Variants in HFM1 observed in about 807,000 individuals in gnomAD.
HFM1 encodes the protein helicase for meiosis 1.
In HFM1, 169 loss-of-function variants were observed where a neutral mutation model predicts 192.1. The ratio of observed to expected loss-of-function variants is 0.88; its 90% CI spans 0.78 to 1.00. The LOEUF (loss-of-function observed/expected upper bound fraction) is 1.00. Among genes scored for constraint, HFM1 ranks in the 50% least tolerant of loss-of-function variants. The probability of loss-of-function intolerance (pLI) is 0.00; values close to 1 mark genes in which losing one functional copy is unlikely to be tolerated. For synonymous variants in HFM1, 525 were observed against 537.8 expected (o/e 0.98, Z 0.33); for missense variants, 1,661 against 1,668.0 (o/e 1.00, Z 0.07).
At chr1:91,354,944 G>T (rs1464357324) in intron 13 of HFM1, among the ~76,000 whole-genome samples, 1 of 152,110 alleles carries the variant, frequency 6.6e-6, no homozygotes, top group Non-Finnish European at 1.5e-5. Flanking sequence ...AATTCAGAAT[G>T]TGCCACCACT....
intron 1 of HFM1, 90 bp from the exon 2 acceptor site, chr1:91,401,199 G>C: frequency 1.6e-6 from 1 of 628,950 alleles, no homozygotes; most frequent in South Asian, 2.0e-5. Context: ...ACAGTCTCCT[G>C]TAAAATATAA....
intron 13 of HFM1, among the ~76,000 whole-genome samples, chr1:91,356,146 A>C (rs1271817179): frequency 1.3e-5 from 2 of 152,228 alleles, no homozygotes; most frequent in Non-Finnish European, 2.9e-5. Context: ...ATGGTCAAAG[A>C]AACCAAAAGG....
chr1:91,387,306 C>T (rs12402108), intron 4 of HFM1, among the ~76,000 whole-genome samples: 1 of 151,922 alleles, frequency 6.6e-6, no homozygotes, highest in African/African-American at 2.4e-5. Context: ...GAGCCGACAT[C>T]GAAGGATCAA....
chr1:91,328,339 G>C (rs1319779685), intron 20 of HFM1: 1 of 1,515,964 alleles, frequency 6.6e-7, no homozygotes, highest in African/African-American at 1.4e-5. Flanking sequence ...AGCCGCCGAG[G>C]CCTCGTGTCC....
At chr1:91,340,238 G>A (rs1655145298) in intron 20 of HFM1, among the ~76,000 whole-genome samples, 1 of 152,090 alleles carries the variant, frequency 6.6e-6, no homozygotes, top group Admixed American at 6.5e-5. Context: ...TCAAACTCCT[G>A]GGCTCAAATA....
In HFM1 at chr1:91,274,767, C is replaced by A. The variant is rs779199817; in HGVS notation, c.3631G>T (p.Gly1211Cys). The A allele has an allele frequency of 1.3e-6, 2 of 1,570,770 alleles. No individual in the cohort carries two copies. The highest frequency in any genetic ancestry group is 1.7e-6 in the Non-Finnish European group (2 of 1,143,006). ...KSQSVDLKEF[G>C]FTPKPSLPSI... ...GGAAGGGAAGGTTTTGGAGTAAAAC[C>A]AAACTCTTTAAGGTCCACACTTTGA... Residue 1211 changes from glycine (G) to cysteine (C), a missense_variant, in exon 33 of 39, where the codon GGT (glycine) becomes TGT (cysteine). Gly to Cys is a radical substitution (Grantham distance 159). Coordinates refer to ENST00000370425, the MANE Select transcript of HFM1 (RefSeq NM_001017975.6).
At chr1:91,398,411 C>T (rs1018621406) in intron 2 of HFM1, among the ~76,000 whole-genome samples, 7 of 152,140 alleles carry the variant, frequency 4.6e-5, no homozygotes, top group Admixed American at 3.3e-4. Context: ...TGTGTTTCCA[C>T]GGTCATTATC....
Position 91,261,313 on chromosome 1 carries a change from C to A in HFM1, c.4285G>T (p.Gly1429Ter). ...TTTTAGAAAATACCATCAAATATTC[C>A]CAATAAAGACTTCATTTCATCAGCT... ...DEADEMKSLL[G>*]IFDGIF The change falls in exon 39 of 39, where the codon GGA (glycine) becomes TGA (stop). Residue 1429 changes from glycine (G) to a stop codon, truncating the protein, a stop_gained. Transcript: ENST00000370425. LOFTEE classifies it high-confidence loss of function. 2 of 1,400,514 alleles carry A rather than the reference C, an allele frequency of 1.4e-6. No individual in the cohort carries two copies. The highest frequency in any genetic ancestry group is 1.7e-5 in the South Asian group (1 of 58,470). The allele number at this position is 1,400,514 out of a possible 1,614,324, so 86.8% of individuals were successfully genotyped here.
chr1:91,293,002 G>A (rs1223991089), intron 30 of HFM1, among the ~76,000 whole-genome samples: 5 of 152,148 alleles, frequency 3.3e-5, no homozygotes, highest in South Asian at 2.1e-4. Context: ...CTAGCCATAT[G>A]TAGAAAGCTG....
intron 28 of HFM1, among the ~76,000 whole-genome samples, chr1:91,314,537 T>C (rs954237671): frequency 6.6e-6 from 1 of 152,128 alleles, no homozygotes; most frequent in African/African-American, 2.4e-5. Context: ...AGATTACAGG[T>C]GTGAGCCACT....
intron 20 of HFM1, among the ~76,000 whole-genome samples, chr1:91,330,038 T>TTGACTGTGTCTATGTCTGTGACTGATTGC (rs1653578025): frequency 6.6e-6 from 1 of 151,816 alleles, no homozygotes; most frequent in South Asian, 2.1e-4. Flanking sequence ...GCCCCTGGAG[T>TTGACTGTGTCTATGTCTGTGACTGATTGC]TGACTGTGTC....
chr1:91,403,044 A>G (rs1402825700), intron 1 of HFM1, among the ~76,000 whole-genome samples: 1 of 66,182 alleles, frequency 1.5e-5, no homozygotes, highest in Non-Finnish European at 2.9e-5. Context: ...TTTAGTTCTT[A>G]TATACTCCTG....
intron 36 of HFM1, among the ~76,000 whole-genome samples, 198 bp from the exon 37 acceptor site, chr1:91,262,790 A>G (rs1665293679): frequency 6.6e-6 from 1 of 152,166 alleles, no homozygotes; most frequent in African/African-American, 2.4e-5. Flanking sequence ...CATATCCCAA[A>G]TTAGGAAAAA....
intron 23 of HFM1, among the ~76,000 whole-genome samples, chr1:91,322,074 T>A (rs1007026470): frequency 6.6e-6 from 1 of 152,216 alleles, no homozygotes; most frequent in Admixed American, 6.5e-5. Context: ...TTTACTATGA[T>A]CTCTAAGGAT....
intron 36 of HFM1, among the ~76,000 whole-genome samples, chr1:91,265,439 T>C (rs571994540): frequency 6.6e-6 from 1 of 152,316 alleles, no homozygotes; most frequent in African/African-American, 2.4e-5. Context: ...AGCTGAGTAG[T>C]GGCTGCTCCC....
At position 91,394,219 on chromosome 1, in the gene HFM1, T is replaced by C. The variant is rs772496665; in HGVS notation, c.368A>G (p.Tyr123Cys). 8.8e-6 allele frequency: 14 copies of C among 1,599,772 alleles called. No homozygotes were observed. Among genetic ancestry groups the C allele is most frequent in the East Asian group, 2.2e-5 (1 of 44,754 alleles). The change falls in exon 4 of 39, where the codon TAT (tyrosine) becomes TGT (cysteine). Residue 123 changes from tyrosine (Y) to cysteine (C), a missense_variant. Transcript: ENST00000370425. The stretch of plus-strand genomic sequence containing the variant: ...GTGATTTTTATATTTCTGAGAAGCA[T>C]ATGTCAGCTTGCCAGCAATATGTGA... The part of the protein sequence containing the change: ...DLSHIAGKLT[Y>C]ASQKYKNHIG...
Position 91,322,980 on chromosome 1 carries a change from C to A in HFM1, c.2552G>T (p.Arg851Ile). The A allele has an allele frequency of 4.4e-6, 6 of 1,372,938 alleles. No homozygotes were observed. The highest frequency in any genetic ancestry group is 5.9e-6 in the Non-Finnish European group (6 of 1,022,306). The allele number at this position is 1,372,938 out of a possible 1,614,324, so 85.0% of individuals were successfully genotyped here. A position where few individuals can be genotyped will look rare whatever the true frequency, so the allele number is the denominator to read the frequency against. ...RITIRFPMEGRIKTREMKVNC... is the reference protein window; with the variant it reads ...RITIRFPMEGIIKTREMKVNC... ...TACTTTCATTTCTCTTGTTTTAATTCTTCCTTCCATTGGAAATCTGTAAAT... is the reference window on the plus strand; with the variant it reads ...TACTTTCATTTCTCTTGTTTTAATTATTCCTTCCATTGGAAATCTGTAAAT... Residue 851 changes from arginine (R) to isoleucine (I), a missense_variant, in exon 23 of 39, where the codon AGA becomes ATA. By Grantham distance (97) the Arg-to-Ile change is moderately conservative. Coordinates refer to ENST00000370425, the MANE Select transcript of HFM1 (RefSeq NM_001017975.6).
intron 4 of HFM1, among the ~76,000 whole-genome samples, chr1:91,388,097 T>C (rs556949856): frequency 2.6e-5 from 4 of 152,148 alleles, no homozygotes; most frequent in African/African-American, 9.6e-5. Context: ...CTGCACCCCC[T>C]CCCTCATATT....
intron 36 of HFM1, among the ~76,000 whole-genome samples, 159 bp from the exon 37 acceptor site, chr1:91,262,751 T>G (rs191431304): frequency 2.5e-3 from 387 of 152,268 alleles, no homozygotes; most frequent in African/African-American, 8.5e-3. Flanking sequence ...TTGGTATATT[T>G]CCTTTCCTTT....
Sources: gnomAD v4.1 joint callset for allele counts (sites outside exome capture counted in the v4.1 genomes callset) on GRCh38, gnomAD v4.1.1 for gene constraint, MANE v1.5 for transcripts, NCBI Gene and HGNC (gene_info 2026-07-23, HGNC 2026-07-21) for gene names.